Variants in TMEM161B observed in about 807,000 individuals in gnomAD.
The protein encoded by TMEM161B is transmembrane protein 161B.
Under a neutral mutation model 61.8 loss-of-function variants are expected in TMEM161B, and 34 were observed. The observed-to-expected ratio is 0.55, with a 90% CI of 0.42 to 0.73. TMEM161B has a LOEUF of 0.73. TMEM161B is among the 30% of genes least tolerant of loss of function. The probability of loss-of-function intolerance (pLI) is 0.00; values close to 1 mark genes in which losing one functional copy is unlikely to be tolerated. For missense variants in TMEM161B, 456 were observed against 558.5 expected (o/e 0.82, Z 1.85); for synonymous variants, 167 against 192.8 (o/e 0.87, Z 1.11).
At chr5:88,187,499 TTA>T (rs1307065682), downstream of TMEM161B, among the ~76,000 whole-genome samples, 8 of 152,218 alleles carry the variant, frequency 5.3e-5, no homozygotes, top group Non-Finnish European at 8.8e-5. Flanking sequence ...TTAATTTCTC[TTA>T]ACATTTTGTA....
intron 5 of TMEM161B, 47 bp from the exon 6 acceptor site, chr5:88,207,227 CTA>C: frequency 6.5e-7 from 1 of 1,548,940 alleles, no homozygotes; most frequent in Non-Finnish European, 8.8e-7. Flanking sequence ...TTTATAGGAG[CTA>C]TACACAATGA....
At chr5:88,246,698 TC>T (rs1753665111) in intron 1 of TMEM161B, among the ~76,000 whole-genome samples, 1 of 151,990 alleles carries the variant, frequency 6.6e-6, no homozygotes, top group Admixed American at 6.6e-5. Context: ...TTTGAAATGT[TC>T]AAATATCAAA....
chr5:88,226,823 A>G (rs529501135), intron 3 of TMEM161B, among the ~76,000 whole-genome samples: 1 of 152,288 alleles, frequency 6.6e-6, no homozygotes, highest in Non-Finnish European at 1.5e-5. Flanking sequence ...AAGGCATTAT[A>G]ATAAGGATTC....
At chr5:88,208,293 C>G (rs1745945796) in intron 5 of TMEM161B, among the ~76,000 whole-genome samples, 1 of 151,570 alleles carries the variant, frequency 6.6e-6, no homozygotes, top group Admixed American at 6.6e-5. Context: ...ACCATGCTGG[C>G]TAACATGATG....
intron 1 of TMEM161B, among the ~76,000 whole-genome samples, chr5:88,262,370 T>C (rs1755793155): frequency 6.6e-6 from 1 of 152,140 alleles, no homozygotes; most frequent in South Asian, 2.1e-4. Context: ...CTTACAGTCT[T>C]ACCATATGAT....
intron 1 of TMEM161B, among the ~76,000 whole-genome samples, chr5:88,260,304 C>T (rs1476666211): frequency 6.6e-6 from 1 of 152,176 alleles, no homozygotes; most frequent in Non-Finnish European, 1.5e-5. Context: ...AATGTACATT[C>T]AGCTAAATGT....
chr5:88,230,075 G>A (rs922194349), intron 2 of TMEM161B, among the ~76,000 whole-genome samples: 7 of 151,826 alleles, frequency 4.6e-5, no homozygotes, highest in African/African-American at 1.7e-4. Flanking sequence ...ACCTGTGGTC[G>A]GGGGAGAGGG....
rs1752975201 is a variant in TMEM161B at position 88,242,859 on chromosome 5, AT to A, written c.4-1944del. 2.6e-5 allele frequency among the ~76,000 whole-genome samples: 4 copies of A among 151,888 alleles called. No individual in the cohort carries two copies. In the South Asian group the frequency reaches 8.3e-4, roughly 31 times the overall value. On this transcript the variant is annotated intron_variant, in intron 1 of 11. Coordinates refer to ENST00000296595, the MANE Select transcript of TMEM161B (RefSeq NM_153354.5). The stretch of plus-strand genomic sequence containing the variant: ...AGAAGATCAAAACAAGTTGAAAAAA[AT>A]AAAATAAAATTTCTGCATGAAGAAA...
At chr5:88,242,886 C>T (rs573778130) in intron 1 of TMEM161B, among the ~76,000 whole-genome samples, 10 of 151,496 alleles carry the variant, frequency 6.6e-5, no homozygotes, top group African/African-American at 2.2e-4. Context: ...CATGAAGAAA[C>T]TATAATATAA....
intron 1 of TMEM161B, among the ~76,000 whole-genome samples, chr5:88,263,519 CT>C (rs1755957903): frequency 6.6e-6 from 1 of 152,090 alleles, no homozygotes; most frequent in Non-Finnish European, 1.5e-5. Context: ...GTAAGGATTT[CT>C]TTTTTTCTAT....
At chr5:88,189,968 C>T (rs1748616165) in exon 13 of TMEM161B, 17 of 666,136 alleles carry the variant, frequency 2.6e-5, no homozygotes, top group South Asian at 2.5e-4. Context: ...GTACCTTTGC[C>T]GTCTTCTGTA....
chr5:88,246,167 C>T (rs1270657938), intron 1 of TMEM161B, among the ~76,000 whole-genome samples: 1 of 151,690 alleles, frequency 6.6e-6, no homozygotes, highest in African/African-American at 2.4e-5. Context: ...AAAATAATTT[C>T]CCAAAACATC....
chr5:88,225,798 G>A lies in TMEM161B; in HGVS notation c.260C>T (p.Thr87Ile). 6.2e-7 allele frequency: 1 copy of A among 1,610,250 alleles called. No individual in the cohort carries two copies. The highest frequency in any genetic ancestry group is 8.5e-7 in the Non-Finnish European group (1 of 1,177,976). The change falls in exon 4 of 12, where the codon ACA (threonine) becomes ATA (isoleucine). Residue 87 changes from threonine (T) to isoleucine (I), a missense_variant. Thr to Ile is a moderately conservative substitution (Grantham distance 89). Around this residue, in one of 3 missense-constraint regions of TMEM161B, gnomAD observed 85 missense variants for 111.2 expected, o/e 0.76. Transcript: ENST00000296595. ...AGTATCCACTTCTGTAACTGACTTT[G>A]TTTCTAGATGAAGGTCAATATCCTT... ...IPKDIDLHLETKSVTEVDTLA... is the reference protein window; with the variant it reads ...IPKDIDLHLEIKSVTEVDTLA...
In TMEM161B at chr5:88,196,066, C is replaced by T. The variant is rs1012859762; in HGVS notation, c.*145G>A. ...ACTACATTAATTCACCCTGAGAATA[C>T]AGAGGAAACATTTAATACAAGACAT... On this transcript the variant is annotated 3_prime_UTR_variant, in exon 12 of 12. Coordinates refer to ENST00000296595, the MANE Select transcript of TMEM161B (RefSeq NM_153354.5). 23 of 1,419,944 alleles carry T rather than the reference C, an allele frequency of 1.6e-5. No homozygotes were observed. Among genetic ancestry groups the T allele is most frequent in the Non-Finnish European group, 2.0e-5 (22 of 1,090,706 alleles). The allele number at this position is 1,419,944 out of a possible 1,614,324, so 88.0% of individuals were successfully genotyped here.
At chr5:88,220,416 T>A (rs1748690661) in intron 5 of TMEM161B, 147 bp downstream of exon 5, 1 of 711,002 alleles carries the variant, frequency 1.4e-6, no homozygotes, top group South Asian at 5.4e-5. Flanking sequence ...TTTACCTCTA[T>A]TACTTTGAAA....
chr5:88,243,066 A>C (rs1445836495), intron 1 of TMEM161B, among the ~76,000 whole-genome samples: 4 of 151,788 alleles, frequency 2.6e-5, no homozygotes, highest in Admixed American at 2.6e-4. Flanking sequence ...AATGGTTCTT[A>C]AACAGGACCA....
chr5:88,225,825 G>A lies in TMEM161B; in HGVS notation c.233C>T (p.Pro78Leu). The change falls in exon 4 of 12, where the codon CCA (proline) becomes CTA (leucine). Residue 78 changes from proline to leucine, a missense_variant. Physicochemically the swap from Pro to Leu is moderately conservative, Grantham distance 98 (BLOSUM62 -3). Around this residue, in one of 3 missense-constraint regions of TMEM161B, gnomAD observed 85 missense variants for 111.2 expected, o/e 0.76. Transcript: ENST00000296595. Reference protein sequence around the residue: ...GHIESKPLTIPKDIDLHLETK... With the variant: ...GHIESKPLTILKDIDLHLETK... ...TTCTAGATGAAGGTCAATATCCTTT[G>A]GAATGGTTAATGGCTTACTTTCAAT... 1 of 1,611,290 alleles carries A rather than the reference G, an allele frequency of 6.2e-7. No individual in the cohort carries two copies. Among genetic ancestry groups the A allele is most frequent in the Non-Finnish European group, 8.5e-7 (1 of 1,178,772 alleles).
intron 3 of TMEM161B, among the ~76,000 whole-genome samples, chr5:88,226,910 A>C (rs1561367513): frequency 1.3e-5 from 2 of 152,168 alleles, no homozygotes; most frequent in Non-Finnish European, 2.9e-5. Context: ...AGGATTGCTT[A>C]ATCTCAGGAG....
At chr5:88,242,865 T>G (rs974086509) in intron 1 of TMEM161B, among the ~76,000 whole-genome samples, 1 of 151,440 alleles carries the variant, frequency 6.6e-6, no homozygotes, top group African/African-American at 2.4e-5. Flanking sequence ...AAAAATAAAA[T>G]AAAATTTCTG....
Sources: gnomAD v4.1 joint callset for allele counts (sites outside exome capture counted in the v4.1 genomes callset) on GRCh38, gnomAD v4.1.1 for gene constraint, gnomAD v4.1.1 regional missense constraint, MANE v1.5 for transcripts, NCBI Gene and HGNC (gene_info 2026-07-23, HGNC 2026-07-21) for gene names.